Variants in PTCHD1 observed in about 807,000 individuals in gnomAD.
The protein encoded by PTCHD1 is patched domain-containing protein 1.
PTCHD1 carries 3 observed loss-of-function variants against 34.6 expected under a neutral mutation model. The observed-to-expected ratio is 0.09, with a 90% CI of 0.04 to 0.22. PTCHD1 has a LOEUF of 0.22. Ranked by LOEUF, PTCHD1 falls within the 10% of genes least tolerant of loss-of-function variation. The probability of loss-of-function intolerance (pLI) is 1.00; values close to 1 mark genes in which losing one functional copy is unlikely to be tolerated. For synonymous variants in PTCHD1, 305 were observed against 283.1 expected, an observed-to-expected ratio of 1.08 and a Z score of -0.77; for missense variants, 504 against 685.5, an observed-to-expected ratio of 0.74 and a Z score of 2.96.
chrX:23,357,459 A>G (rs1000084651), intron 1 of PTCHD1, among the ~76,000 whole-genome samples: 14 of 111,275 alleles, frequency 1.3e-4, no homozygotes, highest in African/African-American at 4.6e-4. Flanking sequence ...TGTTATGATC[A>G]CTTTGGGAAA....
intron 1 of PTCHD1, among the ~76,000 whole-genome samples, chrX:23,355,201 C>T (rs1446555282): frequency 9.0e-6 from 1 of 110,516 alleles, no homozygotes; most frequent in Admixed American, 9.6e-5. Flanking sequence ...GAGTGCGCAC[C>T]CTACCCTCAG....
chrX:23,349,217 T>A (rs1921559815), intron 1 of PTCHD1, among the ~76,000 whole-genome samples: 1 of 106,263 alleles, frequency 9.4e-6, no homozygotes, highest in Admixed American at 1.0e-4. Context: ...AAAGAGGAGG[T>A]AAAAAAAACA....
chrX:23,371,253 C>T (rs1192191071), intron 1 of PTCHD1, among the ~76,000 whole-genome samples: 1 of 111,641 alleles, frequency 9.0e-6, no homozygotes, highest in African/African-American at 3.3e-5. Flanking sequence ...GTTGGACCTC[C>T]CCCAGAAGCT....
At chrX:23,356,709 TGA>T (rs1428402295) in intron 1 of PTCHD1, among the ~76,000 whole-genome samples, 2 of 112,010 alleles carry the variant, frequency 1.8e-5, no homozygotes, top group Non-Finnish European at 3.8e-5. Flanking sequence ...CCTCACAGCA[TGA>T]GAGAGGCAGT....
chrX:23,351,255 A>C lies in PTCHD1; in HGVS notation c.351+16029A>C, dbSNP rs1404416020. On this transcript the variant is annotated intron_variant, in intron 1 of 2. Transcript: ENST00000379361. ...AGACTCCTGTAGGTAATGCTGCTCT[A>C]TCCTCAGTTGACTCATTCACTCTGT... The C allele has an allele frequency of 5.1e-6, 4 of 785,576 alleles. No homozygotes were observed. The Admixed American group carries it at 9.2e-5, about 18-fold the overall frequency. The allele number at this position is 785,576 out of a possible 1,213,427, so 64.7% of individuals were successfully genotyped here.
intron 1 of PTCHD1, among the ~76,000 whole-genome samples, chrX:23,337,463 G>T (rs746870705): frequency 1.8e-5 from 2 of 111,237 alleles, no homozygotes; most frequent in Non-Finnish European, 3.8e-5. Flanking sequence ...GGAGCCAGGG[G>T]ACAGGAAGAT....
intron 1 of PTCHD1, among the ~76,000 whole-genome samples, chrX:23,368,115 C>T (rs1922192397): frequency 9.9e-6 from 1 of 101,378 alleles, no homozygotes; most frequent in South Asian, 4.6e-4. Context: ...AGTCTCCAGA[C>T]TTCTGTATTT....
At chrX:23,345,280 G>A (rs927630281) in intron 1 of PTCHD1, among the ~76,000 whole-genome samples, 1 of 112,047 alleles carries the variant, frequency 8.9e-6, no homozygotes, top group Non-Finnish European at 1.9e-5. Context: ...GTGAGGGTTA[G>A]CAGTACTTCT....
intron 2 of PTCHD1, among the ~76,000 whole-genome samples, chrX:23,382,065 A>G (rs937620214): frequency 1.8e-5 from 2 of 111,352 alleles, no homozygotes; most frequent in Admixed American, 1.9e-4. Context: ...GAGAAATAGG[A>G]ATAAGAAAAG....
At position 23,342,310 on chromosome X, in the gene PTCHD1, ATTT is replaced by A. The variant is rs1174366015; in HGVS notation, c.351+7104_351+7106del. Among the ~76,000 whole-genome samples, 116 of 12,777 alleles carry A rather than the reference ATTT, an allele frequency of 9.1e-3. 1 individual carries two copies. Among genetic ancestry groups the A allele is most frequent in the Middle Eastern group, 0.05 (1 of 20 alleles). 11.1% of individuals were successfully genotyped at this position (12,777 alleles called of 115,157 possible). A position where few individuals can be genotyped will look rare whatever the true frequency, so the allele number is the denominator to read the frequency against. On this transcript the variant is annotated intron_variant, in intron 1 of 2. Transcript: ENST00000379361. ...TATATATATATATATATATATATAT[ATTT>A]TTTTTTTTTTTTTTTTTTTAAAAGA... is the stretch of plus-strand genomic sequence containing the variant.
intron 1 of PTCHD1, among the ~76,000 whole-genome samples, chrX:23,366,905 A>C: frequency 1.0e-5 from 1 of 98,721 alleles, no homozygotes; most frequent in Non-Finnish European, 2.0e-5. Flanking sequence ...CACCACTGCT[A>C]CACACATGCT....
intron 1 of PTCHD1, among the ~76,000 whole-genome samples, chrX:23,369,047 A>G (rs902229627): frequency 1.8e-5 from 2 of 111,772 alleles, no homozygotes; most frequent in Admixed American, 1.9e-4. Flanking sequence ...CTGGGCAACA[A>G]AAGCAAAAAT....
intron 2 of PTCHD1, among the ~76,000 whole-genome samples, chrX:23,388,395 C>T (rs1157250553): frequency 8.9e-6 from 1 of 112,561 alleles, no homozygotes; most frequent in Non-Finnish European, 1.9e-5. Context: ...AGTACTTTTG[C>T]TTTTAAAACA....
At chrX:23,365,373 C>A (rs1489744048) in intron 1 of PTCHD1, among the ~76,000 whole-genome samples, 1 of 111,129 alleles carries the variant, frequency 9.0e-6, no homozygotes, top group Non-Finnish European at 1.9e-5. Flanking sequence ...AACTCGAATT[C>A]CAGAGGCTAT....
chrX:23,393,812 T>C lies in PTCHD1; in HGVS notation c.2294T>C (p.Ile765Thr), dbSNP rs1922900075. ...TTAATTTATGGAATTAATTACACAA[T>C]TGACAATTGTGCTCCAATGTTATCC... ...LCLIYGINYT[I>T]DNCAPMLSTF... Residue 765 changes from isoleucine (I) to threonine (T), a missense_variant, in exon 3 of 3, where the codon ATT becomes ACT. Physicochemically the swap from Ile to Thr is moderately conservative, Grantham distance 89 (BLOSUM62 -1). Transcript: ENST00000379361. 3 of 1,209,428 alleles carry C rather than the reference T, an allele frequency of 2.5e-6. No homozygotes were observed. Among genetic ancestry groups the C allele is most frequent in the Non-Finnish European group, 1.1e-6 (1 of 894,613 alleles).
At position 23,393,290 on chromosome X, in the gene PTCHD1, A is replaced by G; in HGVS notation, c.1772A>G (p.Tyr591Cys). The G allele has an allele frequency of 8.3e-7, 1 of 1,211,927 alleles. No individual in the cohort carries two copies. The highest frequency in any genetic ancestry group is 1.1e-6 in the Non-Finnish European group (1 of 895,297). The change falls in exon 3 of 3, where the codon TAT (tyrosine) becomes TGT (cysteine). Residue 591 changes from tyrosine to cysteine, a missense_variant. Tyr to Cys is a radical substitution (Grantham distance 194, BLOSUM62 -2). Coordinates refer to ENST00000379361, the MANE Select transcript of PTCHD1 (RefSeq NM_173495.3). ...GFVRISWFES[Y>C]LNYLRKLNVS... ...GTGCGGATATCCTGGTTTGAGAGCT[A>G]TTTAAATTACCTTCGGAAACTCAAT...
At chrX:23,349,165 CAGA>C (rs1253055626) in intron 1 of PTCHD1, among the ~76,000 whole-genome samples, 2 of 110,649 alleles carry the variant, frequency 1.8e-5, no homozygotes, top group African/African-American at 6.6e-5. Context: ...GATACACTAA[CAGA>C]GGAGATAAAA....
intron 1 of PTCHD1, among the ~76,000 whole-genome samples, chrX:23,374,768 T>G: frequency 8.9e-6 from 1 of 112,077 alleles, no homozygotes; most frequent in Non-Finnish European, 1.9e-5. Flanking sequence ...TAACTTTCTC[T>G]CACCTGGTGT....
At chrX:23,385,020 T>C (rs912548764) in intron 2 of PTCHD1, among the ~76,000 whole-genome samples, 3 of 112,218 alleles carry the variant, frequency 2.7e-5, no homozygotes, top group African/African-American at 9.7e-5. Context: ...AGGTTCAGCA[T>C]GTTCTAGAGA....
Sources: gnomAD v4.1 joint callset for allele counts (sites outside exome capture counted in the v4.1 genomes callset) on GRCh38, gnomAD v4.1.1 for gene constraint, MANE v1.5 for transcripts, NCBI Gene and HGNC (gene_info 2026-07-23, HGNC 2026-07-21) for gene names.